Variants in PALS1 observed in about 807,000 individuals in gnomAD.
PALS1 encodes the protein protein PALS1.
Under a neutral mutation model 78.9 loss-of-function variants are expected in PALS1, and 31 were observed. The observed-to-expected ratio is 0.39, with a 90% CI of 0.30 to 0.53. The LOEUF (loss-of-function observed/expected upper bound fraction) is 0.53, where lower values mean the gene tolerates loss of function less well. Ranked by LOEUF, PALS1 falls within the 20% of genes least tolerant of loss-of-function variation. PALS1 has a pLI of 0.67. For missense variants in PALS1, 704 were observed against 826.5 expected (o/e 0.85, Z 1.82); for synonymous variants, 276 against 270.9 (o/e 1.02, Z -0.18).
chr14:67,291,516 C>T (rs902684080), intron 3 of PALS1, among the ~76,000 whole-genome samples: 51 of 152,112 alleles, frequency 3.4e-4, no homozygotes, highest in African/African-American at 1.2e-3. Flanking sequence ...AACTCCTGAC[C>T]TCATGATCTA....
chr14:67,264,449 G>T (rs1377583328), intron 1 of PALS1, among the ~76,000 whole-genome samples: 1 of 146,652 alleles, frequency 6.8e-6, no homozygotes, highest in Non-Finnish European at 1.5e-5. Flanking sequence ...TCATTGGCCA[G>T]ACCCATGTTG....
chr14:67,303,574 AGCC>A lies in PALS1; in HGVS notation c.1020_1022del (p.Pro342del). 1 of 1,613,722 alleles carries A rather than the reference AGCC, an allele frequency of 6.2e-7. No individual in the cohort carries two copies. Among genetic ancestry groups the A allele is most frequent in the South Asian group, 1.1e-5 (1 of 91,078 alleles). ...GTCCTGATTCCCAGTCAACAGATCAAGCCGCCTCCTGCCAAGGAAACAGTAGTA... is the reference window on the plus strand; with the variant it reads ...GTCCTGATTCCCAGTCAACAGATCAAGCCTCCTGCCAAGGAAACAGTAGTA... On this transcript the variant is annotated inframe_deletion, in exon 8 of 15. Transcript: ENST00000261681.
intron 11 of PALS1, 139 bp downstream of exon 11, chr14:67,317,618 A>C: frequency 1.8e-6 from 1 of 541,546 alleles, no homozygotes; most frequent in African/African-American, 2.0e-5. Context: ...CCTGTGAGTA[A>C]GGCAGTGTTT....
chr14:67,275,520 G>A (rs1303041971), intron 2 of PALS1, among the ~76,000 whole-genome samples: 1 of 152,200 alleles, frequency 6.6e-6, no homozygotes, highest in Non-Finnish European at 1.5e-5. Context: ...GATTTGGTTT[G>A]CCAGTATTTT....
Position 67,323,613 on chromosome 14 carries a change from CTAAT to C in PALS1, c.1741-88_1741-85del, listed in dbSNP as rs772154336. 3.6e-4 allele frequency: 92 copies of C among 252,828 alleles called. No individual in the cohort carries two copies. The East Asian group carries it at 3.6e-3, about 10-fold the overall frequency. 15.7% of individuals were successfully genotyped at this position (252,828 alleles called of 1,614,324 possible). On this transcript the variant is annotated intron_variant, in intron 13 of 14. Transcript: ENST00000261681. ...TAGGCAACAGAGCAAGTCCCTTAATCTAATATATATATATATATATATATCAGTA... is the reference window on the plus strand; with the variant it reads ...TAGGCAACAGAGCAAGTCCCTTAATCATATATATATATATATATATCAGTA...
intron 2 of PALS1, among the ~76,000 whole-genome samples, chr14:67,275,240 G>T (rs2084483214): frequency 6.6e-6 from 1 of 152,172 alleles, no homozygotes; most frequent in Admixed American, 6.5e-5. Context: ...CATTCAGTAT[G>T]ATATTGGCTG....
intron 4 of PALS1, among the ~76,000 whole-genome samples, chr14:67,299,695 CA>C (rs1193171743): frequency 6.6e-6 from 1 of 152,070 alleles, no homozygotes; most frequent in East Asian, 1.9e-4. Context: ...GAATAAGCAA[CA>C]TATAGGTTAG....
intron 4 of PALS1, among the ~76,000 whole-genome samples, chr14:67,298,301 G>T (rs1008190345): frequency 3.3e-5 from 5 of 152,068 alleles, no homozygotes; most frequent in Non-Finnish European, 7.4e-5. Flanking sequence ...ACCACCTGAG[G>T]TCAGGAGTTC....
At chr14:67,280,297 C>T (rs2084583856) in intron 3 of PALS1, among the ~76,000 whole-genome samples, 1 of 152,138 alleles carries the variant, frequency 6.6e-6, no homozygotes, top group Admixed American at 6.5e-5. Flanking sequence ...GCACATACAC[C>T]CAAGTGCTCA....
intron 9 of PALS1, among the ~76,000 whole-genome samples, chr14:67,316,580 A>AT (rs2085179391): frequency 6.6e-6 from 1 of 152,212 alleles, no homozygotes; most frequent in East Asian, 1.9e-4. Context: ...AAGTTGAACT[A>AT]TTAAATTTTT....
intron 13 of PALS1, among the ~76,000 whole-genome samples, chr14:67,321,618 CT>C (rs1171521665): frequency 6.6e-6 from 1 of 152,044 alleles, no homozygotes. Context: ...TTATATACAC[CT>C]TATTTACTTA....
At chr14:67,300,659 GCA>G (rs2084918891) in intron 4 of PALS1, among the ~76,000 whole-genome samples, 1 of 151,786 alleles carries the variant, frequency 6.6e-6, no homozygotes, top group Non-Finnish European at 1.5e-5. Context: ...AGTCTTTGAA[GCA>G]CCATAAATAG....
At chr14:67,249,253 T>A (rs993652949) in intron 1 of PALS1, among the ~76,000 whole-genome samples, 3 of 152,196 alleles carry the variant, frequency 2.0e-5, no homozygotes, top group Admixed American at 2.0e-4. Context: ...TGGGCCACCA[T>A]GCTTGGCCTC....
intron 11 of PALS1, among the ~76,000 whole-genome samples, chr14:67,319,486 T>A (rs532852869): frequency 2.0e-4 from 31 of 152,258 alleles, no homozygotes; most frequent in Admixed American, 5.9e-4. Context: ...GCATATGGCC[T>A]GTTTTCAAGT....
At position 67,334,954 on chromosome 14, in the gene PALS1, G is replaced by A. The variant is rs987937246; in HGVS notation, c.*1998G>A. 1 of 152,232 alleles carries A rather than the reference G, an allele frequency of 6.6e-6. No individual in the cohort carries two copies. Among genetic ancestry groups the A allele is most frequent in the Non-Finnish European group, 1.5e-5 (1 of 68,040 alleles). 9.4% of individuals were successfully genotyped at this position (152,232 alleles called of 1,614,324 possible). On this transcript the variant is annotated 3_prime_UTR_variant, in exon 15 of 15. Coordinates refer to ENST00000261681, the MANE Select transcript of PALS1 (RefSeq NM_022474.4). ...CTAAACTATTGGCAGTTCATGTTAA[G>A]TTAGAGTGAGGGTGTAGGTAGTGTC...
rs191726157 is a variant in PALS1 at position 67,332,886 on chromosome 14, A to C, written c.1958A>C (p.Gln653Pro). Reference sequence around the variant, plus strand: ...AATTCCGATCTTGATAAAGCCTATCAGGAATTGCTTAGGTTAATTAACAAA... The same window carrying C: ...AATTCCGATCTTGATAAAGCCTATCCGGAATTGCTTAGGTTAATTAACAAA... ...IVNSDLDKAYQELLRLINKLD... is the reference protein window; with the variant it reads ...IVNSDLDKAYPELLRLINKLD... The change falls in exon 15 of 15, where the codon CAG becomes CCG. Residue 653 changes from glutamine (Q) to proline (P), a missense_variant. Physicochemically the swap from Gln to Pro is moderately conservative, Grantham distance 76. Transcript: ENST00000261681. 25 of 1,614,116 alleles carry C rather than the reference A, an allele frequency of 1.5e-5. No individual in the cohort carries two copies. The highest frequency in any genetic ancestry group is 6.7e-5 in the Admixed American group (4 of 60,000).
intron 3 of PALS1, among the ~76,000 whole-genome samples, chr14:67,286,869 A>G (rs1456978834): frequency 3.3e-5 from 5 of 151,016 alleles, no homozygotes; most frequent in Admixed American, 6.7e-5. Flanking sequence ...AAAAAAAAAA[A>G]AAAAAGAAAA....
At position 67,332,867 on chromosome 14, in the gene PALS1, G is replaced by A. The variant is rs776887584; in HGVS notation, c.1939G>A (p.Asp647Asn). The change falls in exon 15 of 15, where the codon GAT becomes AAT. Residue 647 changes from aspartate to asparagine, a missense_variant. Physicochemically the swap from Asp to Asn is conservative, Grantham distance 23. Transcript: ENST00000261681. Reference sequence around the variant, plus strand: ...CTTTGATACGGCAATTGTGAATTCCGATCTTGATAAAGCCTATCAGGAATT... The same window carrying A: ...CTTTGATACGGCAATTGTGAATTCCAATCTTGATAAAGCCTATCAGGAATT... ...HYFDTAIVNS[D>N]LDKAYQELLR... 3.1e-5 allele frequency: 50 copies of A among 1,613,826 alleles called. No individual in the cohort carries two copies. In the Admixed American group the frequency reaches 6.7e-4, roughly 22 times the overall value.
At chr14:67,295,154 C>T (rs1477802333) in intron 4 of PALS1, among the ~76,000 whole-genome samples, 1 of 149,618 alleles carries the variant, frequency 6.7e-6, no homozygotes, top group Admixed American at 6.7e-5. Context: ...AAAAACTTGT[C>T]TATGAAATAT....
Sources: allele counts gnomAD v4.1 joint callset (sites outside exome capture counted in the v4.1 genomes callset), GRCh38; gene constraint gnomAD v4.1.1; transcripts MANE v1.5; gene names NCBI Gene and HGNC (gene_info 2026-07-23, HGNC 2026-07-21).